Variants in ARMC9 observed in about 807,000 individuals in gnomAD.
The protein encoded by ARMC9 is armadillo repeat containing 9.
In ARMC9, 94 loss-of-function variants were observed where a neutral mutation model predicts 107.0. The ratio of observed to expected loss-of-function variants is 0.88; its 90% CI spans 0.74 to 1.04. The LOEUF (loss-of-function observed/expected upper bound fraction) is 1.04. ARMC9 is among the 50% of genes least tolerant of loss of function. The probability of loss-of-function intolerance (pLI) is 0.00; values close to 1 mark genes in which losing one functional copy is unlikely to be tolerated. For synonymous variants in ARMC9, 380 were observed against 396.9 expected, an observed-to-expected ratio of 0.96 and a Z score of 0.51; for missense variants, 942 against 1,030.1, an observed-to-expected ratio of 0.91 and a Z score of 1.17.
intron 19 of ARMC9, among the ~76,000 whole-genome samples, chr2:231,320,776 C>T (rs2042954506): frequency 6.6e-6 from 1 of 152,154 alleles, no homozygotes; most frequent in Admixed American, 6.5e-5. Context: ...TATTGGATCA[C>T]ATCCTTGTCT....
chr2:231,319,475 G>T (rs2042882709), intron 19 of ARMC9, among the ~76,000 whole-genome samples: 1 of 152,162 alleles, frequency 6.6e-6, no homozygotes, highest in Admixed American at 6.5e-5. Context: ...ACTAGTAAGG[G>T]GTTCTAACCC....
chr2:231,330,985 T>A (rs1383824192), intron 19 of ARMC9, among the ~76,000 whole-genome samples: 1 of 151,880 alleles, frequency 6.6e-6, no homozygotes, highest in Admixed American at 6.6e-5. Flanking sequence ...TACAAAAAAA[T>A]ACAAAAAGTA....
chr2:231,368,660 T>C (rs1326636218), intron 23 of ARMC9, among the ~76,000 whole-genome samples: 1 of 152,198 alleles, frequency 6.6e-6, no homozygotes, highest in Non-Finnish European at 1.5e-5. Context: ...GGTCACACTT[T>C]GTTGCCCAAG....
chr2:231,288,913 A>G (rs896909929), intron 17 of ARMC9, among the ~76,000 whole-genome samples: 1 of 152,170 alleles, frequency 6.6e-6, no homozygotes, highest in Non-Finnish European at 1.5e-5. Flanking sequence ...GATTATCTTT[A>G]TGGTAGTCTT....
intron 20 of ARMC9, among the ~76,000 whole-genome samples, chr2:231,344,140 A>T (rs1387014112): frequency 6.6e-6 from 1 of 152,140 alleles, no homozygotes; most frequent in African/African-American, 2.4e-5. Flanking sequence ...TACGCTTTCC[A>T]TGTTTTGGAT....
chr2:231,225,679 G>T (rs1231944589), intron 6 of ARMC9, among the ~76,000 whole-genome samples: 1 of 152,208 alleles, frequency 6.6e-6, no homozygotes, highest in African/African-American at 2.4e-5. Flanking sequence ...CAAATCTGGA[G>T]AGACAGAAAG....
chr2:231,206,135 A>G, intron 1 of ARMC9, 63 bp from the exon 2 acceptor site: 3 of 1,015,360 alleles, frequency 3.0e-6, no homozygotes, highest in Non-Finnish European at 4.7e-6. Flanking sequence ...CACCACAACC[A>G]CCTTTTTGTA....
At chr2:231,207,971 T>C (rs1011255723) in intron 2 of ARMC9, among the ~76,000 whole-genome samples, 156 bp from the exon 3 acceptor site, 22 of 152,252 alleles carry the variant, frequency 1.4e-4, no homozygotes, top group Non-Finnish European at 2.6e-4. Flanking sequence ...TTGATTTGCA[T>C]TTCTCTGATT....
intron 9 of ARMC9, among the ~76,000 whole-genome samples, chr2:231,244,923 C>T (rs543422905): frequency 7.4e-4 from 113 of 152,346 alleles, no homozygotes; most frequent in African/African-American, 2.5e-3. Flanking sequence ...TTAGTCACCG[C>T]CTCTCTGGAG....
At position 231,360,993 on chromosome 2, in the gene ARMC9, A is replaced by G; in HGVS notation, c.2261+110A>G. On this transcript the variant is annotated intron_variant, in intron 23 of 24. Coordinates refer to ENST00000611582, the MANE Select transcript of ARMC9 (RefSeq NM_001352754.2). This position sits in a 1 kb window ranked among gnomAD's most constrained non-coding sequence, Gnocchi z 4.7. Reference sequence around the variant, plus strand: ...GACCTGGAAGGCTCCTCTGAGGCCCAGCCTCTGACAGGGGAGGCTAAGGAG... The same window carrying G: ...GACCTGGAAGGCTCCTCTGAGGCCCGGCCTCTGACAGGGGAGGCTAAGGAG... 1 of 1,407,472 alleles carries G rather than the reference A, an allele frequency of 7.1e-7. No individual in the cohort carries two copies. Among genetic ancestry groups the G allele is most frequent in the Non-Finnish European group, 9.3e-7 (1 of 1,073,834 alleles). The allele number at this position is 1,407,472 out of a possible 1,614,324, so 87.2% of individuals were successfully genotyped here. A position where few individuals can be genotyped will look rare whatever the true frequency, so the allele number is the denominator to read the frequency against.
At chr2:231,316,149 T>C (rs1024620957) in intron 19 of ARMC9, among the ~76,000 whole-genome samples, 1 of 130,484 alleles carries the variant, frequency 7.7e-6, no homozygotes, top group African/African-American at 3.5e-5. Flanking sequence ...AGAAGGAACA[T>C]GTGTGTATGT....
chr2:231,209,238 G>A (rs148043749), intron 3 of ARMC9, among the ~76,000 whole-genome samples: 2,444 of 152,040 alleles, frequency 0.016, 35 homozygotes, highest in Non-Finnish European at 0.025. Flanking sequence ...AAAATTGGCC[G>A]AGCATGGTGG....
intron 24 of ARMC9, among the ~76,000 whole-genome samples, chr2:231,370,404 G>T (rs539200456): frequency 6.6e-6 from 1 of 152,292 alleles, no homozygotes; most frequent in South Asian, 2.1e-4. Flanking sequence ...GCAGGTCACT[G>T]AGAGAGAAGC....
intron 1 of ARMC9, among the ~76,000 whole-genome samples, chr2:231,201,378 G>A (rs942163927): frequency 6.6e-6 from 1 of 152,148 alleles, no homozygotes; most frequent in East Asian, 1.9e-4. Context: ...TCCAGCACCC[G>A]GCTGGCTGCC....
intron 6 of ARMC9, among the ~76,000 whole-genome samples, chr2:231,225,718 G>T (rs1312498361): frequency 6.6e-6 from 1 of 152,218 alleles, no homozygotes; most frequent in Non-Finnish European, 1.5e-5. Context: ...GGGCTGGGGA[G>T]AGCAGGGAAA....
In ARMC9 at chr2:231,374,307, G is replaced by A. The variant is rs2046129348; in HGVS notation, c.*2772G>A. ...AATGGTAAGGCCCCAGGTAGATTAT[G>A]GCTCCTCTGCCCTGGAGGCTGAGCC... On this transcript the variant is annotated 3_prime_UTR_variant, in exon 25 of 25. Coordinates refer to ENST00000611582, the MANE Select transcript of ARMC9 (RefSeq NM_001352754.2). 6.6e-6 allele frequency: 1 copy of A among 152,148 alleles called. No individual in the cohort carries two copies. Among genetic ancestry groups the A allele is most frequent in the Admixed American group, 6.5e-5 (1 of 15,270 alleles). 9.4% of individuals were successfully genotyped at this position (152,148 alleles called of 1,614,324 possible). A position where few individuals can be genotyped will look rare whatever the true frequency, so the allele number is the denominator to read the frequency against.
At chr2:231,240,897 TA>T (rs902493446) in intron 9 of ARMC9, among the ~76,000 whole-genome samples, 4 of 151,928 alleles carry the variant, frequency 2.6e-5, no homozygotes, top group African/African-American at 4.8e-5. Flanking sequence ...TTTCCCCCTT[TA>T]AAAAAAATAG....
At chr2:231,258,808 T>G (rs916018939) in intron 10 of ARMC9, among the ~76,000 whole-genome samples, 183 bp from the exon 11 acceptor site, 2 of 152,152 alleles carry the variant, frequency 1.3e-5, no homozygotes, top group African/African-American at 4.8e-5. Flanking sequence ...TAGGCAGAGC[T>G]GAGCTGGTTG....
chr2:231,215,120 G>A lies in ARMC9; in HGVS notation c.348+119G>A, dbSNP rs111369126. ...GCTGTGCTGTCATAATGCTTACGAG[G>A]TACAGGCATCCTCTCTCCTGGTGAG... On this transcript the variant is annotated intron_variant, in intron 4 of 24. Coordinates refer to ENST00000611582, the MANE Select transcript of ARMC9 (RefSeq NM_001352754.2). 1.1e-4 allele frequency: 128 copies of A among 1,158,140 alleles called. No homozygotes were observed. In the African/African-American group the frequency reaches 1.5e-3, roughly 14 times the overall value. The allele number at this position is 1,158,140 out of a possible 1,614,324, so 71.7% of individuals were successfully genotyped here.
Sources: gnomAD v4.1 joint callset for allele counts (sites outside exome capture counted in the v4.1 genomes callset) on GRCh38, gnomAD v4.1.1 for gene constraint, Gnocchi (gnomAD v3.1) non-coding constraint, MANE v1.5 for transcripts, NCBI Gene and HGNC (gene_info 2026-07-23, HGNC 2026-07-21) for gene names.